KIF16B: variants seen among roughly 807,000 people sequenced by gnomAD.
KIF16B encodes the protein kinesin family member 16B, also known as kinesin-like protein KIF16B.
A neutral mutation model predicts 156.3 loss-of-function variants in KIF16B; 98 were observed. That is an observed-to-expected ratio of 0.63 (90% CI 0.53 to 0.74). The LOEUF is 0.74. Among genes scored for constraint, KIF16B ranks in the 30% least tolerant of loss-of-function variants. KIF16B has a pLI of 0.00. For synonymous variants in KIF16B, 564 were observed against 583.7 expected, an observed-to-expected ratio of 0.97 and a Z score of 0.49; for missense variants, 1,421 against 1,606.5, an observed-to-expected ratio of 0.88 and a Z score of 1.97.
At chr20:16,409,946 TAC>T (rs1180993965) in intron 15 of KIF16B, among the ~76,000 whole-genome samples, 15 of 60,084 alleles carry the variant, frequency 2.5e-4, no homozygotes, top group Non-Finnish European at 1.4e-4. Context: ...CCCACTTACC[TAC>T]ATATATATAT....
At chr20:16,438,256 C>A (rs1043493045) in intron 12 of KIF16B, among the ~76,000 whole-genome samples, 4 of 152,096 alleles carry the variant, frequency 2.6e-5, no homozygotes, top group Non-Finnish European at 5.9e-5. Context: ...TACAGTAGGC[C>A]CCCCTGTATC....
intron 12 of KIF16B, among the ~76,000 whole-genome samples, chr20:16,431,261 C>T (rs1348665404): frequency 6.6e-6 from 1 of 152,172 alleles, no homozygotes; most frequent in Non-Finnish European, 1.5e-5. Context: ...AGCCAGAAGG[C>T]CATCAGGGCA....
chr20:16,463,744 T>C (rs1358465948), intron 12 of KIF16B, among the ~76,000 whole-genome samples: 1 of 152,182 alleles, frequency 6.6e-6, no homozygotes, highest in Non-Finnish European at 1.5e-5. Flanking sequence ...AGTAAATTAT[T>C]CTAATGACTG....
chr20:16,347,197 C>T (rs1247759642), intron 23 of KIF16B, among the ~76,000 whole-genome samples: 1 of 152,108 alleles, frequency 6.6e-6, no homozygotes, highest in Non-Finnish European at 1.5e-5. Context: ...CTTAAAAAGG[C>T]GTTATATTAT....
intron 22 of KIF16B, chr20:16,367,153 CT>C (rs1568890513): frequency 6.3e-7 from 1 of 1,594,316 alleles, no homozygotes; most frequent in Non-Finnish European, 8.5e-7. Flanking sequence ...TCCTTAGAGT[CT>C]TGTCAAATGT....
intron 22 of KIF16B, among the ~76,000 whole-genome samples, chr20:16,360,053 C>G (rs2064522959): frequency 6.6e-6 from 1 of 152,024 alleles, no homozygotes; most frequent in South Asian, 2.1e-4. Context: ...AAATGAACAA[C>G]TAAAATATAA....
Position 16,497,626 on chromosome 20 carries a change from T to C in KIF16B, c.1229A>G (p.Gln410Arg), listed in dbSNP as rs1034627701. Reference sequence around the variant, plus strand: ...AGTATCACTTACTCTTGCTTCATTCTGCTGAAGTTTTTCCTCCATACTTAA... The same window carrying C: ...AGTATCACTTACTCTTGCTTCATTCCGCTGAAGTTTTTCCTCCATACTTAA... ...TALSMEEKLQ[Q>R]NEARVQELTK... The change falls in exon 11 of 26, where the codon CAG becomes CGG. Residue 410 changes from glutamine to arginine, a missense_variant. Transcript: ENST00000354981. 3 of 1,610,150 alleles carry C rather than the reference T, an allele frequency of 1.9e-6. No individual in the cohort carries two copies. The highest frequency in any genetic ancestry group is 1.7e-5 in the Admixed American group (1 of 60,004).
chr20:16,355,242 C>T (rs954738676), intron 23 of KIF16B, among the ~76,000 whole-genome samples: 3 of 152,156 alleles, frequency 2.0e-5, no homozygotes, highest in Non-Finnish European at 4.4e-5. Context: ...CTCCTTCCTC[C>T]CTCCCCACTC....
chr20:16,409,344 G>C (rs1439992265), intron 15 of KIF16B, among the ~76,000 whole-genome samples: 1 of 152,022 alleles, frequency 6.6e-6, no homozygotes, highest in Non-Finnish European at 1.5e-5. Flanking sequence ...GGGAACAAGA[G>C]TGAGCACTGC....
intron 21 of KIF16B, 21 bp downstream of exon 21, chr20:16,371,644 T>C (rs2064823852): frequency 6.7e-7 from 1 of 1,486,230 alleles, no homozygotes; most frequent in African/African-American, 1.4e-5. Flanking sequence ...TACTTCGTGT[T>C]ACTTGGCTCC....
chr20:16,406,575 G>A, intron 15 of KIF16B, 119 bp from the exon 16 acceptor site: 1 of 895,548 alleles, frequency 1.1e-6, no homozygotes, highest in East Asian at 2.5e-5. Flanking sequence ...AATAATAAGG[G>A]AAAGCTTTAG....
At chr20:16,502,179 T>C (rs1600559496) in intron 10 of KIF16B, among the ~76,000 whole-genome samples, 1 of 152,106 alleles carries the variant, frequency 6.6e-6, no homozygotes, top group South Asian at 2.1e-4. Context: ...AAAGTAGAAG[T>C]TGATTTTTAT....
At chr20:16,286,796 C>T (rs1392949147) in intron 25 of KIF16B, among the ~76,000 whole-genome samples, 4 of 152,166 alleles carry the variant, frequency 2.6e-5, no homozygotes, top group Non-Finnish European at 5.9e-5. Context: ...TACTGGTGGC[C>T]CCAATGAACC....
At chr20:16,380,361 T>A (rs746422140) in intron 18 of KIF16B, among the ~76,000 whole-genome samples, 198 bp from the exon 19 acceptor site, 8 of 152,206 alleles carry the variant, frequency 5.3e-5, no homozygotes, top group Admixed American at 1.3e-4. Flanking sequence ...GTCCAACATA[T>A]CACCTGCCTA....
At chr20:16,317,366 T>C (rs1281969581) in intron 24 of KIF16B, among the ~76,000 whole-genome samples, 2 of 152,210 alleles carry the variant, frequency 1.3e-5, no homozygotes, top group African/African-American at 2.4e-5. Context: ...TCTCAACAAC[T>C]ACATTCTACA....
At chr20:16,550,814 A>G (rs1157859381) in intron 1 of KIF16B, among the ~76,000 whole-genome samples, 1 of 152,100 alleles carries the variant, frequency 6.6e-6, no homozygotes, top group Non-Finnish European at 1.5e-5. Context: ...TACAGGCATG[A>G]GCCACCACGC....
intron 11 of KIF16B, among the ~76,000 whole-genome samples, chr20:16,496,269 C>T (rs972191218): frequency 1.3e-5 from 2 of 152,162 alleles, no homozygotes; most frequent in Admixed American, 6.5e-5. Flanking sequence ...TGTGAGAACA[C>T]AAAGCATCCA....
rs57114751 is a variant in KIF16B, at chr20:16,469,254, TAAAAAAAAAAAA to T, written c.1302+25025_1302+25036del. Among the ~76,000 whole-genome samples, 7 of 66,080 alleles carry T rather than the reference TAAAAAAAAAAAA, an allele frequency of 1.1e-4. 1 individual carries two copies. Among genetic ancestry groups the T allele is most frequent in the African/African-American group, 1.7e-4 (3 of 17,582 alleles). The allele number at this position is 66,080 out of a possible 152,430, so 43.4% of individuals were successfully genotyped here. On this transcript the variant is annotated intron_variant, in intron 12 of 25. Coordinates refer to ENST00000354981, the MANE Select transcript of KIF16B (RefSeq NM_024704.5). ...GGTGACAGAGCAGGACCCTGTGTCT[TAAAAAAAAAAAA>T]AAAAAAAAAAAAAATGGTCTCCTTT...
rs940189768 is a variant in KIF16B, at chr20:16,500,483, G to A, written c.1177-2805C>T. Among the ~76,000 whole-genome samples the A allele has an allele frequency of 2.0e-5, 3 of 152,056 alleles. No homozygotes were observed. In the South Asian group the frequency reaches 6.2e-4, roughly 32 times the overall value. ...ATAAATATGCTATGTTCTTACTTTT[G>A]TCTATGTGAGCTTTCACAGAATGAG... On this transcript the variant is annotated intron_variant, in intron 10 of 25. Transcript: ENST00000354981.
Sources: allele counts gnomAD v4.1 joint callset (sites outside exome capture counted in the v4.1 genomes callset), GRCh38; gene constraint gnomAD v4.1.1; transcripts MANE v1.5; gene names NCBI Gene and HGNC (gene_info 2026-07-23, HGNC 2026-07-21).